ATP6V1E2: variants seen among roughly 807,000 people sequenced by gnomAD.
ATP6V1E2 encodes the protein V-type proton ATPase subunit E 2.
For synonymous variants in ATP6V1E2, 121 were observed against 104.2 expected, an observed-to-expected ratio of 1.16 and a Z score of -0.98; for missense variants, 308 against 273.3, an observed-to-expected ratio of 1.13 and a Z score of -0.90.
intron 4 of ATP6V1E2, 41 bp from the exon 5 acceptor site, chr2:46,512,853 C>T (rs1345368889): frequency 4.2e-6 from 3 of 718,758 alleles, no homozygotes; most frequent in East Asian, 2.7e-5. Context: ...AAGTCAGAGG[C>T]TATAGAGGAG....
intron 4 of ATP6V1E2, among the ~76,000 whole-genome samples, chr2:46,522,337 C>T (rs1452753377): frequency 2.0e-5 from 3 of 151,294 alleles, no homozygotes; most frequent in South Asian, 2.1e-4. Flanking sequence ...CACAGGTATA[C>T]GTGTGTCATA....
At position 46,530,237 on chromosome 2, in the gene ATP6V1E2, T is replaced by C. The variant is rs191249248; in HGVS notation, c.-102+5576A>G. Among the ~76,000 whole-genome samples, 6 of 152,262 alleles carry C rather than the reference T, an allele frequency of 3.9e-5. No homozygotes were observed. The East Asian group carries it at 1.2e-3, about 29-fold the overall frequency. On this transcript the variant is annotated intron_variant, in intron 4 of 4. Transcript: ENST00000522587. This position sits in a 1 kb window ranked among gnomAD's most constrained non-coding sequence, Gnocchi z 5.2. The stretch of plus-strand genomic sequence containing the variant: ...CCCTACAGCATGTGAGACACCAGGA[T>C]GGCGCCAGGAGAGAAGCACTGGGCT...
Position 46,537,035 on chromosome 2 carries a change from G to A in ATP6V1E2, c.-309-332C>T, listed in dbSNP as rs142705099. Among the ~76,000 whole-genome samples, 5 of 152,028 alleles carry A rather than the reference G, an allele frequency of 3.3e-5. 1 individual carries two copies. On this transcript the variant is annotated intron_variant, in intron 2 of 4. Coordinates refer to ENST00000522587, the MANE Select transcript of ATP6V1E2 (RefSeq NM_001318063.2). ...TGACCTCAACTGATCCTCCCATCTC[G>A]GCCTCCCAAAGTGCTGGGATTACAG... is the stretch of plus-strand genomic sequence containing the variant.
chr2:46,518,526 A>ACACACACACAG (rs59512948), intron 4 of ATP6V1E2, among the ~76,000 whole-genome samples: 1 of 90,640 alleles, frequency 1.1e-5, no homozygotes, highest in African/African-American at 3.6e-5. Flanking sequence ...CACACACACA[A>ACACACACACAG]ATGCTATCCC....
Position 46,512,633 on chromosome 2 carries a change from C to G in ATP6V1E2, c.79G>C (p.Ala27Pro). The change falls in exon 5 of 5, where the codon GCA becomes CCA. Residue 27 changes from alanine to proline, a missense_variant. Coordinates refer to ENST00000522587, the MANE Select transcript of ATP6V1E2 (RefSeq NM_001318063.2). ...TCAGCCTTGGCATCGATTTCCTCTG[C>G]TTTCTCATTGGCTTCCTGCTCAATG... Reference protein sequence around the residue: ...AFIEQEANEKAEEIDAKAEEE... With the variant: ...AFIEQEANEKPEEIDAKAEEE... The G allele has an allele frequency of 6.2e-7, 1 of 1,614,248 alleles. No individual in the cohort carries two copies.
chr2:46,511,946 G>T lies in ATP6V1E2; in HGVS notation c.*85C>A. On this transcript the variant is annotated 3_prime_UTR_variant, in exon 5 of 5. Transcript: ENST00000522587. ...AGAACAGTATCAGAGCATCAAAGAG[G>T]AGGAAACACTACTAGTTTCCTTTCC... 1 of 1,180,854 alleles carries T rather than the reference G, an allele frequency of 8.5e-7. No homozygotes were observed. 73.1% of individuals were successfully genotyped at this position (1,180,854 alleles called of 1,614,324 possible). A position where few individuals can be genotyped will look rare whatever the true frequency, so the allele number is the denominator to read the frequency against.
intron 4 of ATP6V1E2, chr2:46,519,492 T>A (rs1452101068): frequency 6.6e-6 from 1 of 152,304 alleles, no homozygotes; most frequent in Non-Finnish European, 1.5e-5. Flanking sequence ...ATCCTCTTCA[T>A]GCCCAGACAG....
intron 4 of ATP6V1E2, among the ~76,000 whole-genome samples, chr2:46,521,750 G>C (rs2103863437): frequency 6.6e-6 from 1 of 152,168 alleles, no homozygotes. Context: ...GAGTGCAGTG[G>C]TGCGATCTTG....
At chr2:46,527,220 T>G (rs1478845638) in intron 4 of ATP6V1E2, among the ~76,000 whole-genome samples, 1 of 151,940 alleles carries the variant, frequency 6.6e-6, no homozygotes, top group Non-Finnish European at 1.5e-5. Flanking sequence ...TGTCTAATTT[T>G]TATTTATTTA....
intron 4 of ATP6V1E2, among the ~76,000 whole-genome samples, chr2:46,522,522 G>A (rs1024518364): frequency 2.0e-5 from 3 of 152,062 alleles, no homozygotes; most frequent in Non-Finnish European, 4.4e-5. Context: ...TTACTTTGCT[G>A]AGGATGATGG....
chr2:46,516,641 T>C (rs1483429262), intron 4 of ATP6V1E2, among the ~76,000 whole-genome samples: 2 of 151,824 alleles, frequency 1.3e-5, no homozygotes, highest in Non-Finnish European at 1.5e-5. Flanking sequence ...CTAGAACATA[T>C]CTTGAGACCA....
At chr2:46,534,542 T>G (rs1667345688) in intron 4 of ATP6V1E2, 1 of 152,230 alleles carries the variant, frequency 6.6e-6, no homozygotes, top group South Asian at 2.1e-4. Flanking sequence ...CTCCTGATTT[T>G]GGGTTCTATT....
chr2:46,525,153 G>A lies in ATP6V1E2; in HGVS notation c.-102+10660C>T, dbSNP rs78082841. Among the ~76,000 whole-genome samples the A allele has an allele frequency of 8.0e-4, 122 of 152,336 alleles. 4 individuals carry two copies. The East Asian group carries it at 0.016, about 20-fold the overall frequency. ...GCCTCTGGCTACACAGAACAGAGCA[G>A]CTCAGCTTGGGGTGAGGTTGTGAGA... On this transcript the variant is annotated intron_variant, in intron 4 of 4. Transcript: ENST00000522587.
chr2:46,520,178 G>C (rs1374628381), intron 4 of ATP6V1E2, among the ~76,000 whole-genome samples: 1 of 152,212 alleles, frequency 6.6e-6, no homozygotes, highest in Admixed American at 6.5e-5. Context: ...GGGACATGAA[G>C]GCAGCTGCAG....
At chr2:46,531,028 G>A (rs567458626) in intron 4 of ATP6V1E2, among the ~76,000 whole-genome samples, 1 of 152,162 alleles carries the variant, frequency 6.6e-6, no homozygotes, top group Non-Finnish European at 1.5e-5. Flanking sequence ...TGGTGAATAC[G>A]TTTTTTGAAA....
chr2:46,536,900 A>G (rs563596673), intron 2 of ATP6V1E2, among the ~76,000 whole-genome samples, 197 bp from the exon 3 acceptor site: 3 of 151,664 alleles, frequency 2.0e-5, no homozygotes, highest in South Asian at 4.2e-4. Flanking sequence ...CTCCTGCCTC[A>G]GCCTCCCGAG....
rs764658723 is a variant in ATP6V1E2 at position 46,512,542 on chromosome 2, T to C, written c.170A>G (p.Tyr57Cys). The C allele has an allele frequency of 1.9e-6, 3 of 1,614,230 alleles. No homozygotes were observed. The highest frequency in any genetic ancestry group is 2.2e-5 in the East Asian group (1 of 44,894). ...CTCTATCTGCTTCTCCTTTTTCTCA[T>C]AATACTCCATAATCTTCAGTCGTTG... is the stretch of plus-strand genomic sequence containing the variant. Reference protein sequence around the residue: ...QTQRLKIMEYYEKKEKQIEQQ... With the variant: ...QTQRLKIMEYCEKKEKQIEQQ... The change falls in exon 5 of 5, where the codon TAT becomes TGT. Residue 57 changes from tyrosine to cysteine, a missense_variant. Tyr to Cys is a radical substitution (Grantham distance 194, BLOSUM62 -2). Coordinates refer to ENST00000522587, the MANE Select transcript of ATP6V1E2 (RefSeq NM_001318063.2).
At chr2:46,516,780 A>G (rs1553412347) in intron 4 of ATP6V1E2, among the ~76,000 whole-genome samples, 1 of 152,198 alleles carries the variant, frequency 6.6e-6, no homozygotes, top group Non-Finnish European at 1.5e-5. Flanking sequence ...TTACACCTCA[A>G]GGAACTAGAA....
intron 4 of ATP6V1E2, among the ~76,000 whole-genome samples, chr2:46,514,967 G>A (rs1282723055): frequency 1.3e-5 from 2 of 152,106 alleles, no homozygotes; most frequent in Non-Finnish European, 2.9e-5. Flanking sequence ...GTACAGGAAA[G>A]AGTAAGATGA....
Sources: allele counts gnomAD v4.1 joint callset (sites outside exome capture counted in the v4.1 genomes callset), GRCh38; gene constraint gnomAD v4.1.1; non-coding constraint Gnocchi (gnomAD v3.1); transcripts MANE v1.5; gene names NCBI Gene and HGNC (gene_info 2026-07-23, HGNC 2026-07-21).